The following ACTR3B variants were observed in gnomAD, a reference collection of about 807,000 sequenced individuals.
ACTR3B encodes the protein actin-related protein 3B.
Under a neutral mutation model 59.0 loss-of-function variants are expected in ACTR3B, and 8 were observed. The ratio of observed to expected loss-of-function variants is 0.14; its 90% CI spans 0.08 to 0.24. The LOEUF (loss-of-function observed/expected upper bound fraction) is 0.24, where lower values mean the gene tolerates loss of function less well. Among genes scored for constraint, ACTR3B ranks in the 10% least tolerant of loss-of-function variants. ACTR3B has a pLI of 1.00. For missense variants in ACTR3B, 245 were observed against 552.3 expected (o/e 0.44, Z 5.58); for synonymous variants, 148 against 197.9 (o/e 0.75, Z 2.12).
At chr7:152,823,001 C>T (rs150029347) in intron 7 of ACTR3B, among the ~76,000 whole-genome samples, 4,685 of 152,252 alleles carry the variant, frequency 0.031, 139 homozygotes, top group African/African-American at 0.1. Flanking sequence ...CCAGAGCAGG[C>T]CATAGGAGGC....
At chr7:152,831,586 C>T (rs775783757) in intron 9 of ACTR3B, among the ~76,000 whole-genome samples, 4 of 152,360 alleles carry the variant, frequency 2.6e-5, no homozygotes, top group East Asian at 3.9e-4. Flanking sequence ...GGCTGATGGC[C>T]GTCCTACAGG....
chr7:152,829,458 G>A (rs1192207065), intron 9 of ACTR3B, among the ~76,000 whole-genome samples: 1 of 152,218 alleles, frequency 6.6e-6, no homozygotes, highest in Non-Finnish European at 1.5e-5. Flanking sequence ...TTAGATGAAA[G>A]TAGCCATCAT....
intron 9 of ACTR3B, among the ~76,000 whole-genome samples, chr7:152,832,080 G>T (rs1797076522): frequency 6.6e-6 from 1 of 152,190 alleles, no homozygotes; most frequent in Non-Finnish European, 1.5e-5. Context: ...GCAGGACAGT[G>T]CCCGTATTGG....
At chr7:152,829,645 C>T (rs1184054321) in intron 9 of ACTR3B, among the ~76,000 whole-genome samples, 1 of 152,064 alleles carries the variant, frequency 6.6e-6, no homozygotes, top group African/African-American at 2.4e-5. Flanking sequence ...GTAAAATGGA[C>T]CGGAGTCTGG....
At chr7:152,795,814 T>G (rs1477721305) in intron 2 of ACTR3B, among the ~76,000 whole-genome samples, 1 of 151,652 alleles carries the variant, frequency 6.6e-6, no homozygotes, top group Non-Finnish European at 1.5e-5. Context: ...AGTCATACTG[T>G]GGTTATTCTG....
chr7:152,830,321 G>T (rs1157869495), intron 9 of ACTR3B, among the ~76,000 whole-genome samples: 20 of 152,240 alleles, frequency 1.3e-4, no homozygotes, highest in Non-Finnish European at 2.4e-4. Flanking sequence ...GGTGGGGCCA[G>T]CAATAAAATA....
At chr7:152,829,858 G>T (rs545672221) in intron 9 of ACTR3B, among the ~76,000 whole-genome samples, 1 of 152,192 alleles carries the variant, frequency 6.6e-6, no homozygotes, top group Non-Finnish European at 1.5e-5. Context: ...GCTTTGTAAT[G>T]TAATGGATGT....
intron 10 of ACTR3B, among the ~76,000 whole-genome samples, chr7:152,853,084 C>T (rs1798958413): frequency 6.6e-6 from 1 of 152,060 alleles, no homozygotes; most frequent in South Asian, 2.1e-4. Context: ...AGCTACCACG[C>T]CCGGCCAGAA....
intron 9 of ACTR3B, among the ~76,000 whole-genome samples, chr7:152,834,883 G>A (rs1164436335): frequency 2.6e-5 from 4 of 152,144 alleles, no homozygotes; most frequent in Non-Finnish European, 5.9e-5. Flanking sequence ...TTTTGAATGC[G>A]TTTGGATTTC....
At chr7:152,810,968 A>G (rs1795185120) in intron 4 of ACTR3B, 1 of 152,132 alleles carries the variant, frequency 6.6e-6, no homozygotes, top group Non-Finnish European at 1.5e-5. Context: ...AAAAATGTAT[A>G]CGGAATGGAG....
chr7:152,818,651 A>T (rs555961393), intron 6 of ACTR3B, among the ~76,000 whole-genome samples: 31 of 152,282 alleles, frequency 2.0e-4, no homozygotes, highest in African/African-American at 7.2e-4. Flanking sequence ...GTTTCTCCAT[A>T]TTGGTCAGGC....
Position 152,810,078 on chromosome 7 carries a change from C to T in ACTR3B, c.337-4472C>T, listed in dbSNP as rs1000720310. 5.3e-5 allele frequency among the ~76,000 whole-genome samples: 8 copies of T among 152,036 alleles called. No individual in the cohort carries two copies. The East Asian group carries it at 5.8e-4, about 11-fold the overall frequency. ...AAACTGAAACTCCGTACTCATTGAA[C>T]GAGTCCCCATTATTTCCCCTCTCCC... On this transcript the variant is annotated intron_variant, in intron 4 of 11. Transcript: ENST00000256001.
chr7:152,832,544 C>T (rs1222041581), intron 9 of ACTR3B, among the ~76,000 whole-genome samples: 2 of 152,138 alleles, frequency 1.3e-5, no homozygotes, highest in African/African-American at 2.4e-5. Flanking sequence ...GGGTATCTCA[C>T]GATCTCTTTT....
At chr7:152,840,770 G>A (rs1208109818) in intron 9 of ACTR3B, among the ~76,000 whole-genome samples, 2 of 49,054 alleles carry the variant, frequency 4.1e-5, no homozygotes, top group African/African-American at 7.7e-5. Flanking sequence ...GCTGTCGGCG[G>A]CGGGGTGAGG....
chr7:152,817,649 G>C (rs993794659), intron 6 of ACTR3B, among the ~76,000 whole-genome samples: 4 of 152,098 alleles, frequency 2.6e-5, no homozygotes, highest in African/African-American at 9.7e-5. Context: ...CTCCTCCTCA[G>C]GAACCACCAT....
chr7:152,809,919 T>C lies in ACTR3B; in HGVS notation c.337-4631T>C, dbSNP rs1210566526. 2.6e-5 allele frequency among the ~76,000 whole-genome samples: 4 copies of C among 152,178 alleles called. No homozygotes were observed. In the East Asian group the frequency reaches 7.7e-4, roughly 29 times the overall value. ...ACCTTGGATTTTTGAATTAAACTTTTTTTTTTGGTTTAAATTGTAAAAAAA... is the reference window on the plus strand; with the variant it reads ...ACCTTGGATTTTTGAATTAAACTTTCTTTTTTGGTTTAAATTGTAAAAAAA... On this transcript the variant is annotated intron_variant, in intron 4 of 11. Coordinates refer to ENST00000256001, the MANE Select transcript of ACTR3B (RefSeq NM_020445.6).
At chr7:152,764,760 T>C (rs1563067953) in intron 1 of ACTR3B, among the ~76,000 whole-genome samples, 2 of 152,202 alleles carry the variant, frequency 1.3e-5, no homozygotes, top group African/African-American at 4.8e-5. Flanking sequence ...AATGCATATG[T>C]AATTTTGCTA....
intron 9 of ACTR3B, among the ~76,000 whole-genome samples, chr7:152,836,127 G>T (rs947736837): frequency 2.0e-5 from 3 of 150,978 alleles, no homozygotes; most frequent in African/African-American, 7.3e-5. Flanking sequence ...GGAGGGCGGG[G>T]GTACAGGTTG....
chr7:152,763,372 G>A lies in ACTR3B; in HGVS notation c.44+3446G>A, dbSNP rs546949755. On this transcript the variant is annotated intron_variant, in intron 1 of 11. Transcript: ENST00000256001. ...ATTTGTGGGGGAATATTTTATGTAA[G>A]TACTCTATTCTTAAACTTTCATCCA... 5.7e-5 allele frequency among the ~76,000 whole-genome samples: 8 copies of A among 139,270 alleles called. No homozygotes were observed. In the South Asian group the frequency reaches 1.6e-3, roughly 28 times the overall value. 91.4% of individuals were successfully genotyped at this position (139,270 alleles called of 152,430 possible).
Sources: gnomAD v4.1 joint callset for allele counts (sites outside exome capture counted in the v4.1 genomes callset) on GRCh38, gnomAD v4.1.1 for gene constraint, MANE v1.5 for transcripts, NCBI Gene and HGNC (gene_info 2026-07-23, HGNC 2026-07-21) for gene names.